CMTM4: variants seen among roughly 807,000 people sequenced by gnomAD.
CMTM4 encodes the protein CKLF-like MARVEL transmembrane domain-containing protein 4.
In CMTM4, 8 loss-of-function variants were observed where a neutral mutation model predicts 19.0. The ratio of observed to expected loss-of-function variants is 0.42; its 90% CI spans 0.25 to 0.76. The LOEUF is 0.76. CMTM4 is among the 30% of genes least tolerant of loss of function. CMTM4 has a pLI of 0.27. For synonymous variants in CMTM4, 106 were observed against 121.1 expected (o/e 0.88, Z 0.82); for missense variants, 228 against 290.2 (o/e 0.79, Z 1.56).
chr16:66,625,709 T>C (rs1241228006), intron 2 of CMTM4, among the ~76,000 whole-genome samples: 3 of 152,212 alleles, frequency 2.0e-5, no homozygotes, highest in Non-Finnish European at 4.4e-5. Flanking sequence ...GCATAACATA[T>C]CTGCCTCCTC....
Position 66,619,567 on chromosome 16 carries a change from T to G in CMTM4, c.*2491A>C. ...GAGGTCATTTTAAGGCCCCCAGATATCGATTGTCTTCTGTTTGCATATAGA... is the reference window on the plus strand; with the variant it reads ...GAGGTCATTTTAAGGCCCCCAGATAGCGATTGTCTTCTGTTTGCATATAGA... On this transcript the variant is annotated 3_prime_UTR_variant, in exon 4 of 4. Transcript: ENST00000394106. 4.1e-6 allele frequency: 4 copies of G among 985,324 alleles called. No homozygotes were observed. The highest frequency in any genetic ancestry group is 4.8e-6 in the Non-Finnish European group (4 of 829,916). 61.0% of individuals were successfully genotyped at this position (985,324 alleles called of 1,614,324 possible).
Position 66,622,289 on chromosome 16 carries a change from CCCAAG to C in CMTM4, c.463-72_463-68del. Reference sequence around the variant, plus strand: ...TGGCCCCTCAAGGCTTCTGTGGTGACCCAAGCCACATGCAGCCCCTTCCTGCTCTG... The same window carrying C: ...TGGCCCCTCAAGGCTTCTGTGGTGACCCACATGCAGCCCCTTCCTGCTCTG... On this transcript the variant is annotated intron_variant, in intron 3 of 3. Coordinates refer to ENST00000394106, the MANE Select transcript of CMTM4 (RefSeq NM_181521.3). This position sits in a 1 kb window ranked among gnomAD's most constrained non-coding sequence, Gnocchi z 4.0. 1 of 1,557,774 alleles carries C rather than the reference CCCAAG, an allele frequency of 6.4e-7. No individual in the cohort carries two copies. Among genetic ancestry groups the C allele is most frequent in the Non-Finnish European group, 8.7e-7 (1 of 1,146,280 alleles).
the CMTM4 span, chr16:66,605,088 T>A: frequency 3.5e-6 from 3 of 849,930 alleles, no homozygotes; most frequent in African/African-American, 5.4e-5. The surrounding 1 kb of genome is among the most constrained non-coding windows in gnomAD (Gnocchi z 4.6). Context: ...TCGGCCGACT[T>A]CTCTCGGGCG....
the CMTM4 span, among the ~76,000 whole-genome samples, chr16:66,608,705 G>A: frequency 6.6e-6 from 1 of 152,192 alleles, no homozygotes; most frequent in African/African-American, 2.4e-5. This position sits in a 1 kb window ranked among gnomAD's most constrained non-coding sequence, Gnocchi z 5.1. Flanking sequence ...CCGGAGAGGG[G>A]TCTCTGGCCA....
At chr16:66,672,403 A>G (rs1288795768) in intron 1 of CMTM4, among the ~76,000 whole-genome samples, 1 of 148,304 alleles carries the variant, frequency 6.7e-6, no homozygotes, top group Non-Finnish European at 1.5e-5. Flanking sequence ...GAGGAGACAC[A>G]GCAAGACTAC....
chr16:66,693,777 T>C lies in CMTM4; in HGVS notation c.186+2563A>G, dbSNP rs190508966. ...GGCTCACGTCTGTAATCCAGGCACA[T>C]TGGGAGGCCGAGGCGGGCAGATGAC... is the stretch of plus-strand genomic sequence containing the variant. On this transcript the variant is annotated intron_variant, in intron 1 of 3. Coordinates refer to ENST00000394106, the MANE Select transcript of CMTM4 (RefSeq NM_181521.3). 5.1e-4 allele frequency among the ~76,000 whole-genome samples: 78 copies of C among 152,206 alleles called. 1 individual carries two copies. Among genetic ancestry groups the C allele is most frequent in the South Asian group, 1.5e-3 (7 of 4,822 alleles).
At chr16:66,682,023 A>T (rs1596960712) in intron 1 of CMTM4, among the ~76,000 whole-genome samples, 3 of 152,084 alleles carry the variant, frequency 2.0e-5, no homozygotes, top group African/African-American at 7.2e-5. Context: ...CCTCTATCAC[A>T]GCCCCTGGCT....
intron 1 of CMTM4, among the ~76,000 whole-genome samples, chr16:66,656,180 T>C (rs905740716): frequency 6.6e-6 from 1 of 152,022 alleles, no homozygotes. Context: ...TCCAAACTCA[T>C]GAGTTCATAC....
rs1237816263 is a variant in CMTM4 at position 66,622,749 on chromosome 16, T to G, written c.463-527A>C. 1.3e-5 allele frequency among the ~76,000 whole-genome samples: 2 copies of G among 152,188 alleles called. No individual in the cohort carries two copies. The highest frequency in any genetic ancestry group is 2.9e-5 in the Non-Finnish European group (2 of 68,036). ...ACAGCCCCCATCCCACACCTGCCTCTCATGGGGCAGCTCCAAGTAAGCAGC... is the reference window on the plus strand; with the variant it reads ...ACAGCCCCCATCCCACACCTGCCTCGCATGGGGCAGCTCCAAGTAAGCAGC... On this transcript the variant is annotated intron_variant, in intron 3 of 3. Coordinates refer to ENST00000394106, the MANE Select transcript of CMTM4 (RefSeq NM_181521.3). This position sits in a 1 kb window ranked among gnomAD's most constrained non-coding sequence, Gnocchi z 4.0.
At chr16:66,665,262 TA>T (rs71145929) in intron 1 of CMTM4, among the ~76,000 whole-genome samples, 42,535 of 59,454 alleles carry the variant, frequency 0.72, 15,706 homozygotes, top group Non-Finnish European at 0.84. Flanking sequence ...CCCTGTTTCT[TA>T]AAAAAAAAAA....
At chr16:66,689,561 C>G (rs2017098985) in intron 1 of CMTM4, among the ~76,000 whole-genome samples, 1 of 151,984 alleles carries the variant, frequency 6.6e-6, no homozygotes, top group Non-Finnish European at 1.5e-5. Context: ...CATGCACAAC[C>G]ATGTCATGCT....
At chr16:66,682,048 G>A (rs578122238) in intron 1 of CMTM4, among the ~76,000 whole-genome samples, 1 of 152,244 alleles carries the variant, frequency 6.6e-6, no homozygotes, top group African/African-American at 2.4e-5. Flanking sequence ...TGGTCCAATG[G>A]TTTGTGTACT....
chr16:66,659,070 T>C (rs1226221607), intron 1 of CMTM4, among the ~76,000 whole-genome samples: 1 of 152,014 alleles, frequency 6.6e-6, no homozygotes, highest in Non-Finnish European at 1.5e-5. Flanking sequence ...ACAGAGAAGT[T>C]GAAGGAGCAT....
intron 2 of CMTM4, 128 bp from the exon 3 acceptor site, chr16:66,623,630 A>T (rs2015680944): frequency 3.4e-6 from 2 of 590,780 alleles, no homozygotes; most frequent in Admixed American, 3.3e-5. Flanking sequence ...TTTCAGTCTC[A>T]ATGTCACAGG....
chr16:66,609,229 C>A, the CMTM4 span: 2 of 586,910 alleles, frequency 3.4e-6, no homozygotes, highest in Non-Finnish European at 6.1e-6. This position sits in a 1 kb window ranked among gnomAD's most constrained non-coding sequence, Gnocchi z 4.4. Flanking sequence ...CCGCTGGACC[C>A]GGGATAGGGC....
chr16:66,665,813 A>T (rs551259071), intron 1 of CMTM4, among the ~76,000 whole-genome samples: 1 of 152,026 alleles, frequency 6.6e-6, no homozygotes, highest in South Asian at 2.1e-4. Context: ...TCATGCCTGT[A>T]ATCCCAGCAC....
chr16:66,674,732 C>CTTTTTT (rs771044359), intron 1 of CMTM4, among the ~76,000 whole-genome samples: 23 of 92,484 alleles, frequency 2.5e-4, no homozygotes, highest in South Asian at 7.8e-4. Flanking sequence ...GTTACATATT[C>CTTTTTT]TTTTTTTTTT....
chr16:66,662,551 C>T (rs355954), intron 1 of CMTM4, among the ~76,000 whole-genome samples: 19,997 of 151,992 alleles, frequency 0.13, 2,636 homozygotes, highest in African/African-American at 0.33. Context: ...CCCCAGACAA[C>T]CCTGAAGTGT....
downstream of CMTM4, chr16:66,613,888 T>C (rs1368335932): frequency 6.6e-6 from 1 of 152,094 alleles, no homozygotes; most frequent in African/African-American, 2.4e-5. Flanking sequence ...CTGACTACCA[T>C]TTAATCCTTT....
Sources: gnomAD v4.1 joint callset for allele counts (sites outside exome capture counted in the v4.1 genomes callset) on GRCh38, gnomAD v4.1.1 for gene constraint, Gnocchi (gnomAD v3.1) non-coding constraint, MANE v1.5 for transcripts, NCBI Gene and HGNC (gene_info 2026-07-23, HGNC 2026-07-21) for gene names.